GIGYF2: variants seen among roughly 807,000 people sequenced by gnomAD.
The protein encoded by GIGYF2 is GRB10 interacting GYF protein 2, also known as GRB10-interacting GYF protein 2.
Under a neutral mutation model 208.1 loss-of-function variants are expected in GIGYF2, and 25 were observed. The ratio of observed to expected loss-of-function variants is 0.12; its 90% confidence interval spans 0.09 to 0.17. The LOEUF is 0.17. Among genes scored for constraint, GIGYF2 ranks in the 10% least tolerant of loss-of-function variants. The pLI, the probability that GIGYF2 is intolerant of heterozygous loss-of-function variation, is 1.00. For synonymous variants in GIGYF2, 534 were observed against 543.8 expected (o/e 0.98, Z 0.25); for missense variants, 1,302 against 1,579.4 (o/e 0.82, Z 2.98).
chr2:232,813,104 T>A (rs1270797388), intron 18 of GIGYF2, among the ~76,000 whole-genome samples: 1 of 152,102 alleles, frequency 6.6e-6, no homozygotes, highest in Non-Finnish European at 1.5e-5. Flanking sequence ...CTCATTTTTA[T>A]ATTTTTACAT....
At chr2:232,812,831 C>G (rs1189004636) in intron 18 of GIGYF2, among the ~76,000 whole-genome samples, 1 of 151,878 alleles carries the variant, frequency 6.6e-6, no homozygotes, top group Non-Finnish European at 1.5e-5. Context: ...GTGACCTATT[C>G]TTTTGAGTTA....
chr2:232,743,104 TG>T (rs1341815318), intron 3 of GIGYF2, among the ~76,000 whole-genome samples: 1 of 152,254 alleles, frequency 6.6e-6, no homozygotes, highest in South Asian at 2.1e-4. Flanking sequence ...CATGGGGCTT[TG>T]GGGGGCCTGC....
intron 28 of GIGYF2, among the ~76,000 whole-genome samples, chr2:232,852,518 A>T (rs1690392744): frequency 6.6e-6 from 1 of 152,220 alleles, no homozygotes; most frequent in Non-Finnish European, 1.5e-5. Context: ...ACTGCACTCC[A>T]GCCTGTGCGA....
chr2:232,787,071 G>T lies in GIGYF2; in HGVS notation c.533-79G>T, dbSNP rs530787087. The T allele has an allele frequency of 4.7e-4, 484 of 1,025,058 alleles. 1 individual carries two copies. The highest frequency in any genetic ancestry group is 1.1e-3 in the African/African-American group (70 of 63,570). 63.5% of individuals were successfully genotyped at this position (1,025,058 alleles called of 1,614,324 possible). A position where few individuals can be genotyped will look rare whatever the true frequency, so the allele number is the denominator to read the frequency against. Reference sequence around the variant, plus strand: ...AATGGACCCATTTGCAGGAAAGCTTGATTTGAGCTGTGAAGTTTGTTTTCA... The same window carrying T: ...AATGGACCCATTTGCAGGAAAGCTTTATTTGAGCTGTGAAGTTTGTTTTCA... On this transcript the variant is annotated intron_variant, in intron 8 of 28. Transcript: ENST00000373563.
In GIGYF2 at chr2:232,832,959, G is replaced by T; in HGVS notation, c.2632G>T (p.Glu878Ter). The T allele has an allele frequency of 6.4e-7, 1 of 1,573,538 alleles. No homozygotes were observed. The highest frequency in any genetic ancestry group is 8.6e-7 in the Non-Finnish European group (1 of 1,159,218). ...AGAGGAGGCAGCCAGACTCCGGCAT[G>T]AGGAAGAAGAACGGAAGAGAAAGGA... ...MEEEAARLRH[E>*]EEERKRKELE... is the part of the protein sequence containing the mutation. The change falls in exon 22 of 29, where the codon GAG becomes TAG. Residue 878 changes from glutamate to a stop codon, truncating the protein, a stop_gained. Transcript: ENST00000373563. LOFTEE classifies it high-confidence loss of function.
chr2:232,850,228 C>T (rs1690261341), intron 27 of GIGYF2, 34 bp from the exon 28 acceptor site: 1 of 1,594,148 alleles, frequency 6.3e-7, no homozygotes, highest in African/African-American at 1.3e-5. Flanking sequence ...TCTGAATCTG[C>T]TGTGTAATCT....
intron 8 of GIGYF2, chr2:232,776,535 A>G (rs1055241167): frequency 4.2e-6 from 4 of 961,596 alleles, no homozygotes; most frequent in Non-Finnish European, 6.6e-6. Flanking sequence ...TTTAATCTAC[A>G]AGTCTAGTTT....
At chr2:232,731,256 G>C (rs967707646) in intron 2 of GIGYF2, 10 of 152,170 alleles carry the variant, frequency 6.6e-5, no homozygotes, top group Non-Finnish European at 1.2e-4. Context: ...TGATGGCCTT[G>C]TAGTAAGTTA....
At chr2:232,743,136 C>T (rs1370891020) in intron 3 of GIGYF2, among the ~76,000 whole-genome samples, 1 of 152,064 alleles carries the variant, frequency 6.6e-6, no homozygotes, top group African/African-American at 2.4e-5. Context: ...TATTTACTAC[C>T]CATGGTAGAA....
intron 9 of GIGYF2, among the ~76,000 whole-genome samples, chr2:232,789,126 G>A (rs914388329): frequency 6.6e-6 from 1 of 152,164 alleles, no homozygotes. Context: ...TGTAGGGTCT[G>A]TAAATCAGCA....
intron 28 of GIGYF2, among the ~76,000 whole-genome samples, chr2:232,856,094 C>A (rs1258670421): frequency 6.6e-6 from 1 of 152,006 alleles, no homozygotes; most frequent in Non-Finnish European, 1.5e-5. Flanking sequence ...CCACACCTAG[C>A]TAATGTTTTT....
chr2:232,780,561 A>G (rs1315099527), intron 8 of GIGYF2, among the ~76,000 whole-genome samples: 1 of 152,256 alleles, frequency 6.6e-6, no homozygotes, highest in African/African-American at 2.4e-5. Context: ...AAAGAAGAAG[A>G]AAGCATGCCA....
chr2:232,707,379 T>C (rs1408799835), intron 2 of GIGYF2, among the ~76,000 whole-genome samples: 1 of 152,214 alleles, frequency 6.6e-6, no homozygotes, highest in African/African-American at 2.4e-5. Context: ...AGAATTTGGT[T>C]GTACAGACTG....
At chr2:232,773,252 A>G (rs1311928279) in intron 8 of GIGYF2, among the ~76,000 whole-genome samples, 2 of 152,174 alleles carry the variant, frequency 1.3e-5, no homozygotes, top group Non-Finnish European at 2.9e-5. Flanking sequence ...CCTGATCTCT[A>G]CGCTTTGGAA....
chr2:232,853,341 C>T (rs1690430861), intron 28 of GIGYF2, among the ~76,000 whole-genome samples: 2 of 152,134 alleles, frequency 1.3e-5, no homozygotes, highest in African/African-American at 2.4e-5. Context: ...CCAGTATCTC[C>T]TATCTTCAGT....
intron 2 of GIGYF2, among the ~76,000 whole-genome samples, chr2:232,714,246 G>A (rs955731061): frequency 1.3e-5 from 2 of 151,982 alleles, no homozygotes; most frequent in Non-Finnish European, 2.9e-5. Flanking sequence ...CCACCATGCC[G>A]GACCGAGGAA....
rs10933412 is a variant in GIGYF2 at position 232,842,516 on chromosome 2, G to T, written c.2890-1530G>T. ...TTCTTAAAAAGCCAACTCCTATTTT[G>T]CCGTTCTCTTATTTCTATTTCTGCT... On this transcript the variant is annotated intron_variant, in intron 23 of 28. Coordinates refer to ENST00000373563, the MANE Select transcript of GIGYF2 (RefSeq NM_001103146.3). 2.6e-5 allele frequency among the ~76,000 whole-genome samples: 4 copies of T among 151,984 alleles called. No individual in the cohort carries two copies. In the East Asian group the frequency reaches 7.7e-4, roughly 29 times the overall value.
Position 232,819,815 on chromosome 2 carries a change from T to C in GIGYF2, c.2371-12T>C. 4 of 593,454 alleles carry C rather than the reference T, an allele frequency of 6.7e-6. No homozygotes were observed. Among genetic ancestry groups the C allele is most frequent in the Non-Finnish European group, 7.9e-6 (3 of 377,638 alleles). The allele number at this position is 593,454 out of a possible 1,614,324, so 36.8% of individuals were successfully genotyped here. A position where few individuals can be genotyped will look rare whatever the true frequency, so the allele number is the denominator to read the frequency against. On this transcript the variant is annotated splice_polypyrimidine_tract_variant and intron_variant, in intron 20 of 28. Transcript: ENST00000373563. ...CCTCCCCCACCCCCCACCCTCCATC[T>C]TTTTTCCTTAGGAAGAGGCTCTGCG...
intron 8 of GIGYF2, among the ~76,000 whole-genome samples, chr2:232,773,910 TAAAAAAAA>T: frequency 8.9e-6 from 1 of 112,796 alleles, no homozygotes; most frequent in South Asian, 3.0e-4. Flanking sequence ...TGTCTCTATT[TAAAAAAAA>T]AAAAAAAAAA....
Sources: gnomAD v4.1 joint callset for allele counts (sites outside exome capture counted in the v4.1 genomes callset) on GRCh38, gnomAD v4.1.1 for gene constraint, MANE v1.5 for transcripts, NCBI Gene and HGNC (gene_info 2026-07-23, HGNC 2026-07-21) for gene names.